SHISA9: variants seen among roughly 807,000 people sequenced by gnomAD.
The protein encoded by SHISA9 is shisa family member 9.
Under a neutral mutation model 38.0 loss-of-function variants are expected in SHISA9, and 13 were observed. The ratio of observed to expected loss-of-function variants is 0.34; its 90% CI spans 0.22 to 0.54. SHISA9 has a LOEUF of 0.54. SHISA9 is among the 20% of genes least tolerant of loss of function. The pLI, the probability that SHISA9 is intolerant of heterozygous loss-of-function variation, is 0.91. For missense variants in SHISA9, 538 were observed against 575.8 expected, an observed-to-expected ratio of 0.93 and a Z score of 0.67; for synonymous variants, 275 against 242.0, an observed-to-expected ratio of 1.14 and a Z score of -1.27.
chr16:13,495,172 G>T, the SHISA9 span, among the ~76,000 whole-genome samples: 7 of 152,102 alleles, frequency 4.6e-5, no homozygotes, highest in Non-Finnish European at 1.0e-4. Flanking sequence ...CTCTATATGG[G>T]ATAAAATTGC....
At chr16:12,994,799 C>T (rs1395944251) in intron 2 of SHISA9, among the ~76,000 whole-genome samples, 2 of 152,024 alleles carry the variant, frequency 1.3e-5, no homozygotes, top group African/African-American at 2.4e-5. Context: ...CAAGGATGTC[C>T]GTATCTTTGG....
At chr16:13,038,671 C>A (rs2073100919) in intron 2 of SHISA9, among the ~76,000 whole-genome samples, 1 of 152,198 alleles carries the variant, frequency 6.6e-6, no homozygotes, top group Admixed American at 6.5e-5. Context: ...CTTAACATCA[C>A]CCTGTATGTT....
intron 2 of SHISA9, among the ~76,000 whole-genome samples, chr16:13,145,542 C>A (rs534296477): frequency 1.3e-3 from 202 of 152,066 alleles, no homozygotes; most frequent in African/African-American, 4.5e-3. Flanking sequence ...ACAACAACAA[C>A]AAAAAAAGGT....
At chr16:13,264,203 C>G in the SHISA9 span, among the ~76,000 whole-genome samples, 1 of 132,680 alleles carries the variant, frequency 7.5e-6, no homozygotes, top group Non-Finnish European at 1.6e-5. Flanking sequence ...GAGACTGAGT[C>G]TTGCTCTTTT....
chr16:13,444,719 T>A, the SHISA9 span, among the ~76,000 whole-genome samples: 1 of 151,898 alleles, frequency 6.6e-6, no homozygotes, highest in African/African-American at 2.4e-5. Flanking sequence ...TTCTTCAAGA[T>A]TCAGTGCCAC....
the SHISA9 span, among the ~76,000 whole-genome samples, chr16:13,367,708 GCGCGCACACA>G: frequency 1.3e-3 from 148 of 116,672 alleles, 1 homozygote; most frequent in Middle Eastern, 4.4e-3. Flanking sequence ...GCGCGCGCGC[GCGCGCACACA>G]CACACACACA....
chr16:13,083,971 C>T (rs547095596), intron 2 of SHISA9, among the ~76,000 whole-genome samples: 119 of 152,122 alleles, frequency 7.8e-4, no homozygotes, highest in Non-Finnish European at 1.4e-3. Context: ...GTTTATAGAC[C>T]GGAGAACTGA....
At chr16:13,075,819 T>C (rs1331035580) in intron 2 of SHISA9, among the ~76,000 whole-genome samples, 1 of 152,128 alleles carries the variant, frequency 6.6e-6, no homozygotes, top group Non-Finnish European at 1.5e-5. Flanking sequence ...TCTAACTCAG[T>C]GTTTCTTATC....
intron 1 of SHISA9, among the ~76,000 whole-genome samples, chr16:12,912,445 C>T (rs1193059093): frequency 2.6e-5 from 4 of 152,048 alleles, no homozygotes; most frequent in Admixed American, 1.3e-4. Flanking sequence ...AGTTTTGGGG[C>T]GCGGGAGAGT....
intron 2 of SHISA9, among the ~76,000 whole-genome samples, chr16:13,161,376 C>G (rs975807999): frequency 1.3e-5 from 2 of 152,298 alleles, no homozygotes; most frequent in South Asian, 4.1e-4. Flanking sequence ...GACCCTAACA[C>G]GTCCTCACTC....
At chr16:13,257,776 T>G in the SHISA9 span, among the ~76,000 whole-genome samples, 3 of 152,210 alleles carry the variant, frequency 2.0e-5, no homozygotes, top group East Asian at 5.8e-4. Context: ...TCTTAATATT[T>G]TAGGCTCCCT....
the SHISA9 span, among the ~76,000 whole-genome samples, chr16:13,357,533 TCTC>T: frequency 6.6e-6 from 1 of 152,090 alleles, no homozygotes; most frequent in Admixed American, 6.5e-5. Context: ...AGGGGATTGG[TCTC>T]CTAAGGGAGG....
At chr16:13,317,347 C>A in the SHISA9 span, among the ~76,000 whole-genome samples, 3 of 152,310 alleles carry the variant, frequency 2.0e-5, no homozygotes, top group South Asian at 6.2e-4. Flanking sequence ...GGACAGACAA[C>A]CCCGTTGAGG....
rs77430930 is a variant in SHISA9 at position 13,124,126 on chromosome 16, C to T, written c.692-79268C>T. On this transcript the variant is annotated intron_variant, in intron 2 of 4. Coordinates refer to ENST00000558583, the MANE Select transcript of SHISA9 (RefSeq NM_001145204.3). ...TTCCCATGACTGAACTTCAGGGGCC[C>T]TTTACTATTAATAGAAACTGTGTTC... Among the ~76,000 whole-genome samples, 3 of 152,234 alleles carry T rather than the reference C, an allele frequency of 2.0e-5. No homozygotes were observed. In the East Asian group the frequency reaches 5.8e-4, roughly 29 times the overall value.
chr16:13,548,601 T>C, the SHISA9 span, among the ~76,000 whole-genome samples: 1 of 152,146 alleles, frequency 6.6e-6, no homozygotes, highest in Non-Finnish European at 1.5e-5. Context: ...CAAATATACT[T>C]TTTTAGATGC....
At chr16:13,362,347 G>A in the SHISA9 span, among the ~76,000 whole-genome samples, 1 of 151,892 alleles carries the variant, frequency 6.6e-6, no homozygotes, top group Non-Finnish European at 1.5e-5. Context: ...AGGATGACTC[G>A]AGCCCAGGGG....
intron 2 of SHISA9, among the ~76,000 whole-genome samples, chr16:13,174,892 G>A (rs566665132): frequency 3.3e-5 from 5 of 152,272 alleles, no homozygotes; most frequent in African/African-American, 1.2e-4. Flanking sequence ...TTATATTCCA[G>A]GTACTTCCTG....
chr16:13,466,178 A>G, the SHISA9 span, among the ~76,000 whole-genome samples: 2 of 152,222 alleles, frequency 1.3e-5, no homozygotes, highest in Non-Finnish European at 2.9e-5. Context: ...CTACTAGGAA[A>G]CACTACAATG....
rs3075032 is a variant in SHISA9, at chr16:12,985,241, G to GTAAATAAATAAA, written c.691+68448_691+68459dup. Reference sequence around the variant, plus strand: ...CAACGAAAAATAAATAAATAAATAAGTAAATAAATAAATAAATAAATAAAT... The same window carrying GTAAATAAATAAA: ...CAACGAAAAATAAATAAATAAATAAGTAAATAAATAAATAAATAAATAAATAAATAAATAAAT... On this transcript the variant is annotated intron_variant, in intron 2 of 4. Transcript: ENST00000558583. Among the ~76,000 whole-genome samples, 181 of 149,068 alleles carry GTAAATAAATAAA rather than the reference G, an allele frequency of 1.2e-3. 2 individuals carry two copies. The highest frequency in any genetic ancestry group is 3.3e-3 in the East Asian group (17 of 5,076).
Sources: gnomAD v4.1 joint callset for allele counts (sites outside exome capture counted in the v4.1 genomes callset) on GRCh38, gnomAD v4.1.1 for gene constraint, MANE v1.5 for transcripts, NCBI Gene and HGNC (gene_info 2026-07-23, HGNC 2026-07-21) for gene names.